FAM120B: variants seen among roughly 807,000 people sequenced by gnomAD.
FAM120B encodes the protein constitutive coactivator of peroxisome proliferator-activated receptor gamma.
Under a neutral mutation model 96.3 loss-of-function variants are expected in FAM120B, and 83 were observed. The observed-to-expected ratio is 0.86, with a 90% CI of 0.72 to 1.03. The LOEUF (loss-of-function observed/expected upper bound fraction) is 1.03, where lower values mean the gene tolerates loss of function less well. Ranked by LOEUF, FAM120B falls within the 50% of genes least tolerant of loss-of-function variation. The probability of loss-of-function intolerance (pLI) is 0.00; values close to 1 mark genes in which losing one functional copy is unlikely to be tolerated. For synonymous variants in FAM120B, 407 were observed against 402.7 expected (o/e 1.01, Z -0.13); for missense variants, 1,027 against 1,121.2 (o/e 0.92, Z 1.20).
At chr6:170,359,627 C>T (rs1216737742) in intron 6 of FAM120B, among the ~76,000 whole-genome samples, 2 of 151,838 alleles carry the variant, frequency 1.3e-5, no homozygotes, top group Admixed American at 6.6e-5. Flanking sequence ...TGTGTGGAGA[C>T]GACATCTCAT....
intron 1 of FAM120B, among the ~76,000 whole-genome samples, chr6:170,309,584 C>T (rs1784475940): frequency 6.6e-6 from 1 of 152,012 alleles, no homozygotes; most frequent in Admixed American, 6.5e-5. Flanking sequence ...CCTATCTGTG[C>T]ACATCCGTAT....
intron 6 of FAM120B, among the ~76,000 whole-genome samples, chr6:170,361,204 A>ATG (rs1788365565): frequency 1.2e-5 from 1 of 86,256 alleles, no homozygotes; most frequent in Non-Finnish European, 2.2e-5. Context: ...ACGTGTATAT[A>ATG]TATATATATA....
chr6:170,291,940 C>T (rs1195984258), upstream of FAM120B, among the ~76,000 whole-genome samples: 6 of 152,270 alleles, frequency 3.9e-5, no homozygotes, highest in Admixed American at 2.0e-4. Flanking sequence ...CCTCCCTCCG[C>T]CTGGTAAGAA....
chr6:170,309,350 T>C (rs1023503071), intron 1 of FAM120B, among the ~76,000 whole-genome samples: 1 of 152,226 alleles, frequency 6.6e-6, no homozygotes, highest in African/African-American at 2.4e-5. Context: ...AATTATCTTA[T>C]TTTTGCAAAT....
chr6:170,292,833 G>T (rs570478126), upstream of FAM120B, among the ~76,000 whole-genome samples: 3 of 152,156 alleles, frequency 2.0e-5, no homozygotes, highest in Non-Finnish European at 4.4e-5. The surrounding 1 kb of genome is among the most constrained non-coding windows in gnomAD (Gnocchi z 6.6). Flanking sequence ...TCCACTTTAG[G>T]TTTTCCACTG....
At chr6:170,402,108 C>T (rs538756894) in intron 9 of FAM120B, among the ~76,000 whole-genome samples, 3 of 152,258 alleles carry the variant, frequency 2.0e-5, no homozygotes, top group African/African-American at 7.2e-5. Context: ...GTGCTGTGCA[C>T]GTCCCAGGAT....
upstream of FAM120B, among the ~76,000 whole-genome samples, chr6:170,292,329 G>A (rs974025999): frequency 3.9e-5 from 6 of 152,314 alleles, no homozygotes; most frequent in East Asian, 9.6e-4. This position sits in a 1 kb window ranked among gnomAD's most constrained non-coding sequence, Gnocchi z 6.6. Flanking sequence ...TAGGCACGAT[G>A]GAGAAGTAAG....
intron 2 of FAM120B, among the ~76,000 whole-genome samples, chr6:170,322,686 A>G (rs563363681): frequency 3.1e-4 from 47 of 152,294 alleles, no homozygotes; most frequent in South Asian, 4.1e-4. Flanking sequence ...TAGGGTAGCA[A>G]AGTTTTCAAA....
chr6:170,350,900 A>G (rs934707467), intron 5 of FAM120B, among the ~76,000 whole-genome samples: 3 of 152,236 alleles, frequency 2.0e-5, no homozygotes, highest in African/African-American at 7.2e-5. Flanking sequence ...CACGACTGCA[A>G]CACCTCTCCA....
chr6:170,367,680 C>T (rs1046702412), intron 6 of FAM120B, among the ~76,000 whole-genome samples: 5 of 152,192 alleles, frequency 3.3e-5, no homozygotes, highest in African/African-American at 9.7e-5. Flanking sequence ...TAACCCCATG[C>T]GTGAATGTAG....
chr6:170,391,308 G>A, intron 8 of FAM120B, 187 bp downstream of exon 8: 1 of 537,270 alleles, frequency 1.9e-6, no homozygotes, highest in Non-Finnish European at 3.4e-6. Context: ...GCCGAGGCAG[G>A]CAGATCACTT....
At chr6:170,398,148 C>A (rs1290793390) in intron 9 of FAM120B, among the ~76,000 whole-genome samples, 1 of 152,196 alleles carries the variant, frequency 6.6e-6, no homozygotes, top group Non-Finnish European at 1.5e-5. Flanking sequence ...CATCAGGCCT[C>A]CCACTGATGG....
intron 9 of FAM120B, among the ~76,000 whole-genome samples, chr6:170,400,557 G>T (rs1447309169): frequency 6.6e-6 from 1 of 152,150 alleles, no homozygotes; most frequent in African/African-American, 2.4e-5. Context: ...TGGACCACTG[G>T]GCTGCTCCCT....
At chr6:170,361,862 C>T (rs1487357277) in intron 6 of FAM120B, among the ~76,000 whole-genome samples, 8 of 152,136 alleles carry the variant, frequency 5.3e-5, no homozygotes, top group Non-Finnish European at 1.2e-4. Context: ...GACGTGATCT[C>T]AGCTCACTGC....
At chr6:170,375,741 G>T (rs190476213) in intron 6 of FAM120B, among the ~76,000 whole-genome samples, 45 of 152,272 alleles carry the variant, frequency 3.0e-4, no homozygotes, top group Non-Finnish European at 5.9e-5. Flanking sequence ...AGTACAGCGG[G>T]CGAGAACTGC....
At chr6:170,378,387 G>A (rs11758937) in intron 6 of FAM120B, among the ~76,000 whole-genome samples, 23,165 of 152,170 alleles carry the variant, frequency 0.15, 2,234 homozygotes, top group Non-Finnish European at 0.21. Context: ...CCTGCCACCC[G>A]CTAGAAGGAT....
At chr6:170,324,851 A>G (rs936585271) in intron 3 of FAM120B, among the ~76,000 whole-genome samples, 6 of 152,174 alleles carry the variant, frequency 3.9e-5, no homozygotes, top group African/African-American at 1.4e-4. Context: ...AGTGTATCCT[A>G]TGTTATTTGT....
Position 170,312,243 on chromosome 6 carries a change from GT to G in FAM120B, c.-21-5121del, listed in dbSNP as rs1339625607. ...TCTCTGAATTTTCTGCAAATGGTTC[GT>G]TTTTTGATCAGATTTTTTTACAAAT... On this transcript the variant is annotated intron_variant, in intron 1 of 10. Coordinates refer to ENST00000476287, the MANE Select transcript of FAM120B (RefSeq NM_032448.3). 3.9e-5 allele frequency among the ~76,000 whole-genome samples: 6 copies of G among 152,056 alleles called. No homozygotes were observed. The East Asian group carries it at 9.6e-4, about 24-fold the overall frequency.
chr6:170,331,560 C>T (rs1424624385), intron 4 of FAM120B, among the ~76,000 whole-genome samples: 1 of 152,104 alleles, frequency 6.6e-6, no homozygotes, highest in Admixed American at 6.5e-5. Context: ...CAGTAAGGAG[C>T]ATTTTTTTAA....
Sources: gnomAD v4.1 joint callset for allele counts (sites outside exome capture counted in the v4.1 genomes callset) on GRCh38, gnomAD v4.1.1 for gene constraint, Gnocchi (gnomAD v3.1) non-coding constraint, MANE v1.5 for transcripts, NCBI Gene and HGNC (gene_info 2026-07-23, HGNC 2026-07-21) for gene names.